The following VWF variants were observed in gnomAD, a reference collection of about 807,000 sequenced individuals.
VWF encodes the protein Factor VIII related antigen.
A neutral mutation model predicts 308.6 loss-of-function variants in VWF; 176 were observed. The observed-to-expected ratio is 0.57, with a 90% confidence interval of 0.50 to 0.65. The LOEUF is 0.65. VWF is among the 30% of genes least tolerant of loss of function. VWF has a pLI of 0.00. For missense variants in VWF, 3,146 were observed against 3,648.2 expected, an observed-to-expected ratio of 0.86 and a Z score of 3.55; for synonymous variants, 1,385 against 1,443.4, an observed-to-expected ratio of 0.96 and a Z score of 0.92.
intron 6 of VWF, among the ~76,000 whole-genome samples, chr12:6,089,604 C>T (rs1210027747): frequency 1.3e-5 from 2 of 152,156 alleles, no homozygotes; most frequent in African/African-American, 2.4e-5. Context: ...TCAACCCGAC[C>T]TCAGGATCAG....
rs948166436 is a variant in VWF at position 6,087,354 on chromosome 12, C to CTT, written c.657+8104_657+8105dup. On this transcript the variant is annotated intron_variant, in intron 6 of 51. Transcript: ENST00000261405. Reference sequence around the variant, plus strand: ...GCAAGGGTGTCTCAAAGACTTAACTCTTTTTTTTTTTTTTTTTTTTTTGAG... The same window carrying CTT: ...GCAAGGGTGTCTCAAAGACTTAACTCTTTTTTTTTTTTTTTTTTTTTTTTGAG... Among the ~76,000 whole-genome samples, 246 of 118,712 alleles carry CTT rather than the reference C, an allele frequency of 2.1e-3. 2 individuals carry two copies. Among genetic ancestry groups the CTT allele is most frequent in the East Asian group, 0.014 (44 of 3,096 alleles). The allele number at this position is 118,712 out of a possible 152,430, so 77.9% of individuals were successfully genotyped here. A position where few individuals can be genotyped will look rare whatever the true frequency, so the allele number is the denominator to read the frequency against.
chr12:5,961,707 TAA>T (rs765143679), intron 47 of VWF, among the ~76,000 whole-genome samples: 1 of 151,468 alleles, frequency 6.6e-6, no homozygotes, highest in African/African-American at 2.4e-5. Context: ...ACATAAAATT[TAA>T]AAAAAACTTC....
chr12:5,952,718 C>T (rs781416203), intron 48 of VWF, among the ~76,000 whole-genome samples, 199 bp from the exon 49 acceptor site: 1 of 152,314 alleles, frequency 6.6e-6, no homozygotes, highest in African/African-American at 2.4e-5. Flanking sequence ...ATCCTATGAA[C>T]AGGGCTGCTA....
intron 15 of VWF, among the ~76,000 whole-genome samples, chr12:6,054,403 T>A (rs2136451418): frequency 6.6e-6 from 1 of 152,342 alleles, no homozygotes; most frequent in South Asian, 2.1e-4. Context: ...GAGCCTACAA[T>A]GACAAGGGCA....
chr12:6,114,467 G>GA (rs1438200761), intron 3 of VWF, among the ~76,000 whole-genome samples: 1 of 152,224 alleles, frequency 6.6e-6, no homozygotes, highest in Admixed American at 6.5e-5. Flanking sequence ...AGCAGAAGCA[G>GA]AAAAATCAAA....
chr12:5,953,402 A>G (rs1943216191), intron 48 of VWF, 94 bp downstream of exon 48: 1 of 963,788 alleles, frequency 1.0e-6, no homozygotes, highest in Non-Finnish European at 1.7e-6. Context: ...CCAATACTGA[A>G]CCAAACTTAG....
chr12:6,024,316 C>T lies in VWF; in HGVS notation c.3223-529G>A, dbSNP rs1944166565. On this transcript the variant is annotated intron_variant, in intron 24 of 51. Coordinates refer to ENST00000261405, the MANE Select transcript of VWF (RefSeq NM_000552.5). The surrounding 1 kb of genome is among the most constrained non-coding windows in gnomAD (Gnocchi z 4.0). ...ATTCCAAATCCAGTTCAACCAGTTC[C>T]AACCCTTCCTCATCCCCAAAACACG... 6.6e-6 allele frequency among the ~76,000 whole-genome samples: 1 copy of T among 152,210 alleles called. No individual in the cohort carries two copies. Among genetic ancestry groups the T allele is most frequent in the South Asian group, 2.1e-4 (1 of 4,830 alleles).
At position 5,978,081 on chromosome 12, in the gene VWF, A is replaced by G. The variant is rs80226732; in HGVS notation, c.7288-1821T>C. Among the ~76,000 whole-genome samples the G allele has an allele frequency of 8.7e-3, 1,304 of 149,602 alleles. 21 individuals carry two copies. Among genetic ancestry groups the G allele is most frequent in the African/African-American group, 0.03 (1,243 of 41,064 alleles). ...AGCAATCCCTAAAAATGGAAAACAA[A>G]TTGAAATATTAACTAGATATCGTCA... On this transcript the variant is annotated intron_variant, in intron 42 of 51. Coordinates refer to ENST00000261405, the MANE Select transcript of VWF (RefSeq NM_000552.5).
intron 6 of VWF, among the ~76,000 whole-genome samples, chr12:6,088,765 T>C (rs755606842): frequency 1.4e-4 from 22 of 152,242 alleles, no homozygotes; most frequent in Admixed American, 3.3e-4. Context: ...TGAATGTTCA[T>C]AGCTTGGGGC....
intron 38 of VWF, among the ~76,000 whole-genome samples, chr12:5,990,881 AAAAAAAAAAAAAAAAAAAAAAAAAAAAT>A (rs1943732938): frequency 2.9e-5 from 2 of 69,528 alleles, no homozygotes; most frequent in Admixed American, 3.3e-4. Context: ...AAAAAAAAAA[AAAAAAAAAAAAAAAAAAAAAAAAAAAAT>A]TTTGATGACT....
chr12:5,976,853 G>C (rs1943539658), intron 42 of VWF, among the ~76,000 whole-genome samples: 1 of 152,222 alleles, frequency 6.6e-6, no homozygotes, highest in Non-Finnish European at 1.5e-5. Flanking sequence ...CTGGTTGAAA[G>C]GGAAACGTGG....
Position 6,057,746 on chromosome 12 carries a change from C to T in VWF, c.1729+103G>A. On this transcript the variant is annotated intron_variant, in intron 14 of 51. Transcript: ENST00000261405. ...GCCCGACCCCTTTCCTCGCTCCCCGCCCCCGCCCTCCGCGGTGGGAGCACT... is the reference window on the plus strand; with the variant it reads ...GCCCGACCCCTTTCCTCGCTCCCCGTCCCCGCCCTCCGCGGTGGGAGCACT... 6 of 1,316,016 alleles carry T rather than the reference C, an allele frequency of 4.6e-6. No individual in the cohort carries two copies. In the East Asian group the frequency reaches 9.5e-5, roughly 21 times the overall value. 81.5% of individuals were successfully genotyped at this position (1,316,016 alleles called of 1,614,324 possible).
rs371687405 is a variant in VWF at position 5,968,150 on chromosome 12, T to C, written c.7747A>G (p.Met2583Val). 3.7e-6 allele frequency: 6 copies of C among 1,613,980 alleles called. No homozygotes were observed. Among genetic ancestry groups the C allele is most frequent in the East Asian group, 2.2e-5 (1 of 44,886 alleles). ...SCRCERMEAC[M>V]LNGTVIGPGK... is the part of the protein sequence containing the mutation. ...ACCCCAATGACAGTGCCATTGAGCA[T>C]GCAGGCCTCCATGCGCTCTGGGGGA... Residue 2583 changes from methionine to valine, a missense_variant, in exon 46 of 52, where the codon ATG becomes GTG. This residue lies in a region of VWF where 989 missense variants were observed against 1,117.4 expected (regional missense o/e 0.89). Transcript: ENST00000261405.
At chr12:6,055,869 G>A (rs1479167645) in intron 15 of VWF, among the ~76,000 whole-genome samples, 7 of 151,004 alleles carry the variant, frequency 4.6e-5, no homozygotes, top group Non-Finnish European at 1.0e-4. Flanking sequence ...TAAATTCCTA[G>A]ACTCAAGCAA....
chr12:5,969,248 G>T lies in VWF; in HGVS notation c.7692C>A (p.Ser2564Arg). 1.2e-6 allele frequency: 2 copies of T among 1,614,144 alleles called. No homozygotes were observed. Among genetic ancestry groups the T allele is most frequent in the Non-Finnish European group, 1.7e-6 (2 of 1,180,006 alleles). The change falls in exon 45 of 52, where the codon AGC (serine) becomes AGA (arginine). Residue 2564 changes from serine (S) to arginine (R), a missense_variant. Ser to Arg is a moderately radical substitution (Grantham distance 110). Transcript: ENST00000261405. ...VPVCPSGFQLSCKTSACCPSC... is the reference protein window; with the variant it reads ...VPVCPSGFQLRCKTSACCPSC... ...TTGGGCAGCACGCTGAGGTCTTACA[G>T]CTCAGCTGAAAGCCCGAGGGGCAGA...
At chr12:6,051,121 TA>T in intron 16 of VWF, among the ~76,000 whole-genome samples, 1 of 152,242 alleles carries the variant, frequency 6.6e-6, no homozygotes, top group East Asian at 1.9e-4. Flanking sequence ...ACAGCTTTTT[TA>T]AAAAACTATT....
chr12:6,037,277 A>C (rs1944347199), intron 18 of VWF, among the ~76,000 whole-genome samples: 1 of 152,214 alleles, frequency 6.6e-6, no homozygotes, highest in Non-Finnish European at 1.5e-5. Flanking sequence ...ATAATTAAAG[A>C]AAATGAACAC....
intron 22 of VWF, among the ~76,000 whole-genome samples, chr12:6,028,346 G>T (rs1944218633): frequency 6.6e-6 from 1 of 152,204 alleles, no homozygotes; most frequent in South Asian, 2.1e-4. Context: ...TTGGTTTGCT[G>T]CTGTAGGTTA....
chr12:6,081,538 C>T (rs146376960), intron 6 of VWF, among the ~76,000 whole-genome samples: 5 of 152,252 alleles, frequency 3.3e-5, no homozygotes, highest in African/African-American at 1.2e-4. Context: ...CGGAGTTTCA[C>T]CATGTTGGCC....
Sources: allele counts gnomAD v4.1 joint callset (sites outside exome capture counted in the v4.1 genomes callset), GRCh38; gene constraint gnomAD v4.1.1; regional missense constraint gnomAD v4.1.1; non-coding constraint Gnocchi (gnomAD v3.1); transcripts MANE v1.5; gene names NCBI Gene and HGNC (gene_info 2026-07-23, HGNC 2026-07-21).